The following NIM1K variants were observed in gnomAD, a reference collection of about 807,000 sequenced individuals.
NIM1K encodes NIM1 serine/threonine protein kinase.
A neutral mutation model predicts 37.1 loss-of-function variants in NIM1K; 35 were observed. The observed-to-expected ratio is 0.94, with a 90% CI of 0.72 to 1.25. The LOEUF (loss-of-function observed/expected upper bound fraction) is 1.25. Ranked by LOEUF, NIM1K falls within the 50% of genes most tolerant of loss-of-function variation. NIM1K has a pLI of 0.00. For missense variants in NIM1K, 564 were observed against 548.0 expected, an observed-to-expected ratio of 1.03 and a Z score of -0.29; for synonymous variants, 234 against 206.6, an observed-to-expected ratio of 1.13 and a Z score of -1.14.
intron 1 of NIM1K, among the ~76,000 whole-genome samples, chr5:43,204,778 G>A (rs552290303): frequency 1.8e-4 from 27 of 152,070 alleles, no homozygotes; most frequent in Admixed American, 8.5e-4. Context: ...AGGCTGAGGC[G>A]GGTGGATTAC....
intron 2 of NIM1K, among the ~76,000 whole-genome samples, chr5:43,250,824 G>A (rs765558949): frequency 6.6e-6 from 1 of 152,232 alleles, no homozygotes; most frequent in Non-Finnish European, 1.5e-5. Flanking sequence ...ACTTTGAGAA[G>A]TTTCATACAA....
intron 2 of NIM1K, among the ~76,000 whole-genome samples, chr5:43,267,905 G>A (rs1753192940): frequency 6.6e-6 from 1 of 152,188 alleles, no homozygotes; most frequent in African/African-American, 2.4e-5. Flanking sequence ...ATGTGCTGAT[G>A]AGAAGAAAGT....
At chr5:43,201,740 G>A (rs1752023216) in intron 1 of NIM1K, among the ~76,000 whole-genome samples, 1 of 151,998 alleles carries the variant, frequency 6.6e-6, no homozygotes, top group African/African-American at 2.4e-5. Context: ...GTGGGTGGAT[G>A]ATGAGGTCAA....
chr5:43,220,954 T>G (rs1752372556), intron 1 of NIM1K, among the ~76,000 whole-genome samples: 3 of 152,144 alleles, frequency 2.0e-5, no homozygotes, highest in Non-Finnish European at 4.4e-5. Context: ...AGAGATGCCC[T>G]CTGCTCTGCC....
At chr5:43,271,582 C>T (rs1420961810) in intron 2 of NIM1K, among the ~76,000 whole-genome samples, 1 of 152,132 alleles carries the variant, frequency 6.6e-6, no homozygotes, top group African/African-American at 2.4e-5. Context: ...GTACCATTTA[C>T]CCAGTTTCAC....
At chr5:43,258,326 G>A (rs1442471255) in intron 2 of NIM1K, among the ~76,000 whole-genome samples, 2 of 152,098 alleles carry the variant, frequency 1.3e-5, no homozygotes, top group Non-Finnish European at 2.9e-5. Flanking sequence ...TATGAATGTA[G>A]TACCACAATT....
rs115983951 is a variant in NIM1K, at chr5:43,275,701, C to T, written c.293-1356C>T. ...AACAAGGGAGGTGACATCTACAGACCGGTTAGCTGAGATTACAGTACATTG... is the reference window on the plus strand; with the variant it reads ...AACAAGGGAGGTGACATCTACAGACTGGTTAGCTGAGATTACAGTACATTG... On this transcript the variant is annotated intron_variant, in intron 2 of 3. Coordinates refer to ENST00000326035, the MANE Select transcript of NIM1K (RefSeq NM_153361.4). Among the ~76,000 whole-genome samples the T allele has an allele frequency of 3.1e-3, 464 of 152,130 alleles. 4 individuals are homozygous for T. The highest frequency in any genetic ancestry group is 0.011 in the African/African-American group (444 of 41,488).
intron 1 of NIM1K, chr5:43,233,294 T>C: frequency 4.4e-6 from 2 of 450,906 alleles, no homozygotes; most frequent in Non-Finnish European, 7.6e-6. Context: ...TTCCTTCTTC[T>C]AAGGCAAGAG....
chr5:43,231,726 A>C lies in NIM1K; in HGVS notation c.-694-13356A>C. ...TATTAGAGCATACACTGCTACATAA[A>C]AATTAACTGATCAGACCACAACTTT... is the stretch of plus-strand genomic sequence containing the variant. On this transcript the variant is annotated intron_variant, in intron 1 of 3. Coordinates refer to ENST00000326035, the MANE Select transcript of NIM1K (RefSeq NM_153361.4). 3 of 813,814 alleles carry C rather than the reference A, an allele frequency of 3.7e-6. No individual in the cohort carries two copies. The East Asian group carries it at 1.4e-4, about 37-fold the overall frequency. 50.4% of individuals were successfully genotyped at this position (813,814 alleles called of 1,614,324 possible). A position where few individuals can be genotyped will look rare whatever the true frequency, so the allele number is the denominator to read the frequency against.
intron 1 of NIM1K, chr5:43,207,418 TA>T: frequency 2.3e-6 from 2 of 861,942 alleles, no homozygotes; most frequent in Non-Finnish European, 4.0e-6. Flanking sequence ...TAGACAATCT[TA>T]AAGGAGACTG....
chr5:43,232,387 A>T, intron 1 of NIM1K: 1 of 1,406,694 alleles, frequency 7.1e-7, no homozygotes, highest in Non-Finnish European at 1.0e-6. Context: ...GGATGGGGGG[A>T]TAGGCCACCA....
chr5:43,233,087 T>C, intron 1 of NIM1K: 1 of 1,343,742 alleles, frequency 7.4e-7, no homozygotes, highest in Non-Finnish European at 1.1e-6. Flanking sequence ...TTGGGCTGGA[T>C]GCCATGTTCC....
intron 1 of NIM1K, among the ~76,000 whole-genome samples, chr5:43,213,284 C>CTTTTCTTTT: frequency 1.8e-5 from 2 of 108,758 alleles, no homozygotes; most frequent in South Asian, 5.9e-4. Flanking sequence ...TTTCTTGTTT[C>CTTTTCTTTT]CTTTCCTTTT....
At chr5:43,248,828 G>A (rs967480963) in intron 2 of NIM1K, among the ~76,000 whole-genome samples, 25 of 151,328 alleles carry the variant, frequency 1.7e-4, no homozygotes, top group African/African-American at 6.1e-4. Context: ...CAGTCAGGCA[G>A]AAGCAGTTCC....
At chr5:43,278,799 A>C (rs570542554) in intron 3 of NIM1K, among the ~76,000 whole-genome samples, 1 of 152,326 alleles carries the variant, frequency 6.6e-6, no homozygotes, top group East Asian at 1.9e-4. Flanking sequence ...CCAAAATAGC[A>C]GTAGGGAAGG....
chr5:43,279,330 A>C (rs1405603282), intron 3 of NIM1K, among the ~76,000 whole-genome samples: 2 of 152,132 alleles, frequency 1.3e-5, no homozygotes, highest in African/African-American at 4.8e-5. Context: ...GTCCCCTCCA[A>C]AGCCTGGATT....
Position 43,213,189 on chromosome 5 carries a change from CTTTCTTTCT to C in NIM1K, c.-695+20781_-695+20789del. Among the ~76,000 whole-genome samples, 2 of 59,200 alleles carry C rather than the reference CTTTCTTTCT, an allele frequency of 3.4e-5. 1 individual carries two copies. The highest frequency in any genetic ancestry group is 9.6e-4 in the South Asian group (2 of 2,078). The allele number at this position is 59,200 out of a possible 152,430, so 38.8% of individuals were successfully genotyped here. On this transcript the variant is annotated intron_variant, in intron 1 of 3. Coordinates refer to ENST00000326035, the MANE Select transcript of NIM1K (RefSeq NM_153361.4). ...TTTTTCTTTCTTTCTTTCTTTCTTT[CTTTCTTTCT>C]TTCTTTCTTTCTTTCTTTCTTTCTT...
intron 2 of NIM1K, among the ~76,000 whole-genome samples, chr5:43,251,177 C>T (rs1452555525): frequency 2.0e-5 from 3 of 152,142 alleles, no homozygotes; most frequent in Non-Finnish European, 4.4e-5. Flanking sequence ...ACCAGTATCA[C>T]TTACTATGAA....
chr5:43,247,508 C>T (rs1467938418), intron 2 of NIM1K, among the ~76,000 whole-genome samples: 2 of 152,294 alleles, frequency 1.3e-5, no homozygotes, highest in African/African-American at 2.4e-5. Flanking sequence ...ATGCAGCTGC[C>T]ATGCCCTACA....
Sources: gnomAD v4.1 joint callset for allele counts (sites outside exome capture counted in the v4.1 genomes callset) on GRCh38, gnomAD v4.1.1 for gene constraint, MANE v1.5 for transcripts, NCBI Gene and HGNC (gene_info 2026-07-23, HGNC 2026-07-21) for gene names.